Variants in XPA observed in about 807,000 individuals in gnomAD.
The protein encoded by XPA is XPA, DNA damage recognition and repair factor.
Under a neutral mutation model 35.7 loss-of-function variants are expected in XPA, and 27 were observed. The observed-to-expected ratio is 0.76, with a 90% CI of 0.56 to 1.04. The LOEUF (loss-of-function observed/expected upper bound fraction) is 1.04. Among genes scored for constraint, XPA ranks in the 50% least tolerant of loss-of-function variants. XPA has a pLI of 0.00. For missense variants in XPA, 354 were observed against 342.7 expected (o/e 1.03, Z -0.26); for synonymous variants, 133 against 118.4 (o/e 1.12, Z -0.80).
chr9:97,671,396 T>G (rs1828189022), downstream of XPA: 1 of 531,146 alleles, frequency 1.9e-6, no homozygotes, highest in Non-Finnish European at 3.4e-6. Flanking sequence ...GGCAGTAATG[T>G]GACTATGACC....
the XPA span, chr9:97,668,860 C>T: frequency 1.4e-3 from 2,213 of 1,611,462 alleles, 23 homozygotes; most frequent in African/African-American, 0.027. Context: ...GTGATGATGA[C>T]GACAGAAGCA....
rs759052378 is a variant in XPA, at chr9:97,693,664, C to CTT, written c.266_267dup (p.Val90LysfsTer15). 11 of 1,613,400 alleles carry CTT rather than the reference C, an allele frequency of 6.8e-6. No individual in the cohort carries two copies. The highest frequency in any genetic ancestry group is 9.3e-6 in the Non-Finnish European group (11 of 1,179,912). The stretch of plus-strand genomic sequence containing the variant: ...CTCACTTTACCTGGTTGATGAACAA[C>CTT]TTTTCCAATTTTCTGTTCTTCTTCT... On this transcript the variant is annotated frameshift_variant, in exon 2 of 6. Coordinates refer to ENST00000375128, the MANE Select transcript of XPA (RefSeq NM_000380.4). LOFTEE classifies it high-confidence loss of function.
intron 2 of XPA, among the ~76,000 whole-genome samples, chr9:97,691,482 A>G (rs573958088): frequency 1.3e-5 from 2 of 152,148 alleles, no homozygotes; most frequent in Non-Finnish European, 2.9e-5. Context: ...TGGGTGGATC[A>G]CTTGAGTCCA....
the XPA span, chr9:97,658,524 C>T: frequency 1.6e-5 from 12 of 763,548 alleles, no homozygotes; most frequent in Admixed American, 4.6e-5. Context: ...CCTTTCACTT[C>T]TTGGTTGTCA....
chr9:97,669,474 A>G, the XPA span: 35 of 660,614 alleles, frequency 5.3e-5, 1 homozygote, highest in South Asian at 6.4e-4. Context: ...GAAGCTAGGC[A>G]CACACACCAC....
the XPA span, among the ~76,000 whole-genome samples, chr9:97,657,883 A>G: frequency 7.9e-6 from 1 of 126,006 alleles, no homozygotes; most frequent in South Asian, 2.5e-4. Flanking sequence ...GAGCCCCGGT[A>G]AGCTCTCTCT....
At chr9:97,678,258 G>A (rs1046137222) in intron 5 of XPA, among the ~76,000 whole-genome samples, 1 of 152,008 alleles carries the variant, frequency 6.6e-6, no homozygotes, top group African/African-American at 2.4e-5. Flanking sequence ...AAAATTAGCT[G>A]GACATGGTGG....
chr9:97,682,588 T>C (rs1280551038), intron 5 of XPA, among the ~76,000 whole-genome samples: 1 of 152,142 alleles, frequency 6.6e-6, no homozygotes, highest in Non-Finnish European at 1.5e-5. Flanking sequence ...ACTTGGAAAA[T>C]ATATCACTCA....
intron 2 of XPA, among the ~76,000 whole-genome samples, chr9:97,692,312 G>T (rs1323136268): frequency 6.6e-6 from 1 of 151,686 alleles, no homozygotes; most frequent in Non-Finnish European, 1.5e-5. Context: ...AAAAGAAAAG[G>T]GGAATTGTCA....
chr9:97,656,703 T>C, the XPA span, among the ~76,000 whole-genome samples: 1 of 152,196 alleles, frequency 6.6e-6, no homozygotes, highest in African/African-American at 2.4e-5. Context: ...CACTCCCTTT[T>C]CGTCTCTCCC....
At chr9:97,661,064 C>G in the XPA span, 6 of 1,611,726 alleles carry the variant, frequency 3.7e-6, no homozygotes, top group Non-Finnish European at 4.2e-6. Flanking sequence ...AGGATGATGA[C>G]GACGGTAAGT....
chr9:97,673,769 T>C (rs989022194), downstream of XPA: 1 of 152,234 alleles, frequency 6.6e-6, no homozygotes, highest in Non-Finnish European at 1.5e-5. Context: ...TCCTAATTTA[T>C]AACTGTACTT....
Position 97,697,103 on chromosome 9 carries a change from C to G in XPA, c.172+18G>C, listed in dbSNP as rs185639571. ...GAGGCGGGGAGAGGGAAGGGGAAAG[C>G]GCGGACGCGGCCCAAACCTCCAGTA... On this transcript the variant is annotated intron_variant, in intron 1 of 5. Transcript: ENST00000375128. 21 of 1,525,720 alleles carry G rather than the reference C, an allele frequency of 1.4e-5. No homozygotes were observed. The highest frequency in any genetic ancestry group is 1.7e-5 in the Non-Finnish European group (19 of 1,138,480). 94.5% of individuals were successfully genotyped at this position (1,525,720 alleles called of 1,614,324 possible).
At chr9:97,655,985 T>C in the XPA span, 6 of 1,594,074 alleles carry the variant, frequency 3.8e-6, no homozygotes, top group South Asian at 2.2e-5. Flanking sequence ...TATGTAAGCA[T>C]TGATAAAACT....
At chr9:97,677,082 T>TCACGTAAGACATCTGGC (rs3176741) in intron 5 of XPA, among the ~76,000 whole-genome samples, 103,773 of 151,970 alleles carry the variant, frequency 0.68, 35,957 homozygotes, top group African/African-American at 0.78. Context: ...AACTTGGTTC[T>TCACGTAAGACATCTGGC]CACCTTATCC....
chr9:97,687,853 A>G (rs1472288792), intron 3 of XPA, among the ~76,000 whole-genome samples: 2 of 152,176 alleles, frequency 1.3e-5, no homozygotes, highest in Non-Finnish European at 2.9e-5. Context: ...CTAGAGCCAA[A>G]CAGGTTTGGA....
chr9:97,655,689 C>G, the XPA span: 5 of 1,602,396 alleles, frequency 3.1e-6, no homozygotes, highest in East Asian at 2.2e-5. Context: ...CTACCTCCCC[C>G]TTCTCTACGT....
At chr9:97,659,963 T>A in the XPA span, among the ~76,000 whole-genome samples, 4 of 152,214 alleles carry the variant, frequency 2.6e-5, no homozygotes, top group Admixed American at 2.6e-4. Flanking sequence ...TACCCCAGTC[T>A]GGAAAGCCCT....
the XPA span, among the ~76,000 whole-genome samples, chr9:97,665,483 A>C: frequency 2.0e-5 from 3 of 152,188 alleles, no homozygotes; most frequent in Non-Finnish European, 4.4e-5. Flanking sequence ...GGCATTCTGG[A>C]ATCTGTATAG....
Sources: gnomAD v4.1 joint callset for allele counts (sites outside exome capture counted in the v4.1 genomes callset) on GRCh38, gnomAD v4.1.1 for gene constraint, MANE v1.5 for transcripts, NCBI Gene and HGNC (gene_info 2026-07-23, HGNC 2026-07-21) for gene names.